Variants in THSD7A observed in about 807,000 individuals in gnomAD.
THSD7A encodes thrombospondin type 1 domain containing 7A, also known as thrombospondin type-1 domain-containing protein 7A.
THSD7A carries 96 observed loss-of-function variants against 231.3 expected under a neutral mutation model. The observed-to-expected ratio is 0.41, with a 90% CI of 0.35 to 0.49. THSD7A has a LOEUF of 0.49. THSD7A is among the 20% of genes least tolerant of loss of function. The pLI is 0.05. For synonymous variants in THSD7A, 940 were observed against 743.3 expected (o/e 1.26, Z -4.30); for missense variants, 2,290 against 2,070.2 (o/e 1.11, Z -2.06).
rs1296009901 is a variant in THSD7A at position 11,571,631 on chromosome 7, A to G, written c.1453+18829T>C. Among the ~76,000 whole-genome samples, 4 of 152,216 alleles carry G rather than the reference A, an allele frequency of 2.6e-5. No individual in the cohort carries two copies. In the East Asian group the frequency reaches 7.7e-4, roughly 29 times the overall value. ...CAACTGCTCAGTAACCACTTCTCTC[A>G]GTTACCATTTCTCTGAAGATGTCCG... is the stretch of plus-strand genomic sequence containing the variant. On this transcript the variant is annotated intron_variant, in intron 4 of 27. Coordinates refer to ENST00000423059, the MANE Select transcript of THSD7A (RefSeq NM_015204.3).
chr7:11,687,164 C>T (rs1780083447), intron 1 of THSD7A, among the ~76,000 whole-genome samples: 1 of 151,930 alleles, frequency 6.6e-6, no homozygotes, highest in East Asian at 1.9e-4. Context: ...GAGATGAATG[C>T]CTTACTTGCC....
At chr7:11,748,995 T>C (rs1201961519) in intron 1 of THSD7A, among the ~76,000 whole-genome samples, 2 of 151,894 alleles carry the variant, frequency 1.3e-5, no homozygotes, top group Non-Finnish European at 2.9e-5. Context: ...GCAGCTCCTC[T>C]GAGAGAGTGT....
intron 1 of THSD7A, among the ~76,000 whole-genome samples, chr7:11,668,185 G>T (rs1218869104): frequency 6.6e-6 from 1 of 152,236 alleles, no homozygotes; most frequent in South Asian, 2.1e-4. Flanking sequence ...CTGTAATTGG[G>T]AGGCCTACAA....
At chr7:11,570,792 T>C (rs1015349639) in intron 4 of THSD7A, among the ~76,000 whole-genome samples, 22 of 151,990 alleles carry the variant, frequency 1.4e-4, no homozygotes, top group Admixed American at 1.4e-3. Context: ...GAGACAGCAG[T>C]GGGTAGGGGT....
chr7:11,382,088 C>G (rs1782539139), intron 24 of THSD7A, among the ~76,000 whole-genome samples: 3 of 152,170 alleles, frequency 2.0e-5, no homozygotes, highest in African/African-American at 7.2e-5. Context: ...TGAATTTAAG[C>G]AAGGTATTTG....
intron 1 of THSD7A, among the ~76,000 whole-genome samples, chr7:11,805,730 T>G (rs1055395489): frequency 6.6e-6 from 1 of 152,090 alleles, no homozygotes; most frequent in African/African-American, 2.4e-5. Flanking sequence ...ACATGCAATT[T>G]TAAACATTTT....
intron 1 of THSD7A, among the ~76,000 whole-genome samples, chr7:11,733,109 G>A (rs903687303): frequency 1.3e-5 from 2 of 151,734 alleles, no homozygotes; most frequent in African/African-American, 4.8e-5. Context: ...CCCATCTCAT[G>A]TTTTCAACAA....
chr7:11,510,526 T>C (rs556378214), intron 6 of THSD7A, among the ~76,000 whole-genome samples: 1 of 152,196 alleles, frequency 6.6e-6, no homozygotes, highest in African/African-American at 2.4e-5. Context: ...AAATCCTCAA[T>C]AAAATACTGG....
At chr7:11,485,921 A>C (rs1417062838) in intron 6 of THSD7A, among the ~76,000 whole-genome samples, 1 of 152,232 alleles carries the variant, frequency 6.6e-6, no homozygotes, top group Non-Finnish European at 1.5e-5. Context: ...GGAATAATTA[A>C]ATTTTTGATT....
At chr7:11,648,652 G>GTGTGTGTGTGTGTGTC in intron 1 of THSD7A, among the ~76,000 whole-genome samples, 1 of 151,542 alleles carries the variant, frequency 6.6e-6, no homozygotes, top group Non-Finnish European at 1.5e-5. Flanking sequence ...GTGTGTGTGT[G>GTGTGTGTGTGTGTGTC]TGTGTGTGTG....
Position 11,406,174 on chromosome 7 carries a change from G to A in THSD7A, c.4237+126C>T, listed in dbSNP as rs1783574350. 4 of 969,428 alleles carry A rather than the reference G, an allele frequency of 4.1e-6. No individual in the cohort carries two copies. In the East Asian group the frequency reaches 1.0e-4, roughly 24 times the overall value. The allele number at this position is 969,428 out of a possible 1,614,324, so 60.1% of individuals were successfully genotyped here. A position where few individuals can be genotyped will look rare whatever the true frequency, so the allele number is the denominator to read the frequency against. ...CCCACAGGCATAGTGTTGAGCTGTT[G>A]GCATAGATATTACTGAATAAGAAGA... On this transcript the variant is annotated intron_variant, in intron 22 of 27. Coordinates refer to ENST00000423059, the MANE Select transcript of THSD7A (RefSeq NM_015204.3). This position sits in a 1 kb window ranked among gnomAD's most constrained non-coding sequence, Gnocchi z 4.7.
At chr7:11,535,006 C>T (rs1034251779) in intron 6 of THSD7A, among the ~76,000 whole-genome samples, 1 of 152,108 alleles carries the variant, frequency 6.6e-6, no homozygotes, top group Non-Finnish European at 1.5e-5. Flanking sequence ...AAATTGGTTG[C>T]TCTGTGTTGT....
intron 4 of THSD7A, among the ~76,000 whole-genome samples, chr7:11,546,202 G>GCGCGCACGCACACACACACACA (rs761841418): frequency 2.3e-5 from 3 of 129,450 alleles, no homozygotes; most frequent in South Asian, 2.3e-4. Context: ...GTGGGCGCGC[G>GCGCGCACGCACACACACACACA]CTCACACACA....
In THSD7A at chr7:11,711,775, A is replaced by AAG. The variant is rs559674636; in HGVS notation, c.191-74816_191-74815dup. 4.6e-5 allele frequency among the ~76,000 whole-genome samples: 7 copies of AAG among 151,344 alleles called. No individual in the cohort carries two copies. In the South Asian group the frequency reaches 1.5e-3, roughly 31 times the overall value. On this transcript the variant is annotated intron_variant, in intron 1 of 27. Transcript: ENST00000423059. Reference sequence around the variant, plus strand: ...TCATCTATGGGTAACCATGCTGCACAAGAGAAGTATGGCCAAAGGCCAGTT... The same window carrying AAG: ...TCATCTATGGGTAACCATGCTGCACAAGAGAGAAGTATGGCCAAAGGCCAGTT...
Position 11,543,099 on chromosome 7 carries a change from A to C in THSD7A, c.1472T>G (p.Leu491Ter). The C allele has an allele frequency of 6.2e-7, 1 of 1,612,144 alleles. No homozygotes were observed. Among genetic ancestry groups the C allele is most frequent in the Non-Finnish European group, 8.5e-7 (1 of 1,179,138 alleles). The part of the protein sequence containing the change: ...KNKEASKPMD[L>*]KLCTGPIPNT... ...AGGGATAGGTCCAGTGCATAATTTTAAGTCCATTGGCTTTGAGGCTAGAGA... is the reference window on the plus strand; with the variant it reads ...AGGGATAGGTCCAGTGCATAATTTTCAGTCCATTGGCTTTGAGGCTAGAGA... Residue 491 changes from leucine to a stop codon, truncating the protein, a stop_gained, in exon 5 of 28, where the codon TTA becomes TGA. Transcript: ENST00000423059. LOFTEE classifies it high-confidence loss of function.
chr7:11,615,793 T>C (rs1292889236), intron 2 of THSD7A, among the ~76,000 whole-genome samples: 1 of 152,168 alleles, frequency 6.6e-6, no homozygotes, highest in Non-Finnish European at 1.5e-5. Flanking sequence ...TAATCCAGAT[T>C]TTCCTGGTCT....
At chr7:11,781,232 T>A (rs1360937100) in intron 1 of THSD7A, among the ~76,000 whole-genome samples, 1 of 151,090 alleles carries the variant, frequency 6.6e-6, no homozygotes, top group Non-Finnish European at 1.5e-5. Context: ...AAGCCGGGTG[T>A]ACAAGCCGGG....
At chr7:11,655,211 A>G (rs191634957) in intron 1 of THSD7A, among the ~76,000 whole-genome samples, 1 of 151,698 alleles carries the variant, frequency 6.6e-6, no homozygotes, top group East Asian at 2.0e-4. Flanking sequence ...GGTTCCATAA[A>G]TAATTAAGTA....
chr7:11,435,628 A>C (rs1202643930), intron 13 of THSD7A, among the ~76,000 whole-genome samples: 3 of 152,074 alleles, frequency 2.0e-5, no homozygotes, highest in Non-Finnish European at 4.4e-5. Flanking sequence ...CCTCCACTAA[A>C]GAGATTATGG....
Sources: allele counts gnomAD v4.1 joint callset (sites outside exome capture counted in the v4.1 genomes callset), GRCh38; gene constraint gnomAD v4.1.1; non-coding constraint Gnocchi (gnomAD v3.1); transcripts MANE v1.5; gene names NCBI Gene and HGNC (gene_info 2026-07-23, HGNC 2026-07-21).